Variants in CTDSP1 observed in about 807,000 individuals in gnomAD.
CTDSP1 encodes CTD small phosphatase 1.
Under a neutral mutation model 32.5 loss-of-function variants are expected in CTDSP1, and 15 were observed. The observed-to-expected ratio is 0.46, with a 90% CI of 0.31 to 0.71. The LOEUF is 0.71. CTDSP1 is among the 30% of genes least tolerant of loss of function. CTDSP1 has a pLI of 0.05. For missense variants in CTDSP1, 294 were observed against 351.1 expected (o/e 0.84, Z 1.30); for synonymous variants, 185 against 145.4 (o/e 1.27, Z -1.96).
chr2:218,403,390 C>T lies in CTDSP1; in HGVS notation c.630C>T (p.Ala210=), dbSNP rs1376738789. 4 of 1,607,998 alleles carry T rather than the reference C, an allele frequency of 2.5e-6. No individual in the cohort carries two copies. The highest frequency in any genetic ancestry group is 2.2e-5 in the East Asian group (1 of 44,808). Residue 210 remains alanine, a synonymous_variant, in exon 6 of 7, where the codon GCC becomes GCT. Coordinates refer to ENST00000273062, the MANE Select transcript of CTDSP1 (RefSeq NM_021198.3). ...RRVLILDNSP[A]SYVFHPDNAV... is the part of the protein sequence containing the mutation. ...TGCTCATCCTGGACAATTCACCTGC[C>T]TCCTATGTCTTCCATCCAGACAATG...
At chr2:218,397,792 GTAAC>G (rs1000637242), upstream of CTDSP1, among the ~76,000 whole-genome samples, 14 of 152,256 alleles carry the variant, frequency 9.2e-5, no homozygotes, top group South Asian at 1.7e-3. Context: ...CGCTCACTCC[GTAAC>G]TAACTACCCG....
chr2:218,398,905 AGCACTGCGCCACAG>A (rs1443225823), upstream of CTDSP1: 2 of 153,026 alleles, frequency 1.3e-5, no homozygotes, highest in African/African-American at 4.8e-5. Flanking sequence ...CCAAGTGCCC[AGCACTGCGCCACAG>A]GCCGGGTGGA....
rs574716484 is a variant in CTDSP1 at position 218,402,526 on chromosome 2, G to A, written c.378+121G>A. On this transcript the variant is annotated intron_variant, in intron 4 of 6. Coordinates refer to ENST00000273062, the MANE Select transcript of CTDSP1 (RefSeq NM_021198.3). ...ACATGTGGAATGTCAGAGGCCCAGA[G>A]AGGGTGTGAGACTTGTCCCAAAGTC... 3.1e-4 allele frequency: 327 copies of A among 1,038,894 alleles called. 1 individual carries two copies. The highest frequency in any genetic ancestry group is 4.5e-4 in the Non-Finnish European group (301 of 669,998). The allele number at this position is 1,038,894 out of a possible 1,614,324, so 64.4% of individuals were successfully genotyped here.
upstream of CTDSP1, chr2:218,398,454 C>T (rs1322907123): frequency 6.5e-7 from 1 of 1,532,560 alleles, no homozygotes; most frequent in African/African-American, 1.4e-5. Context: ...AGGAGGAGGG[C>T]CGAGGGATCC....
At chr2:218,402,046 G>T in intron 2 of CTDSP1, 65 bp from the exon 3 acceptor site, 1 of 1,122,412 alleles carries the variant, frequency 8.9e-7, no homozygotes, top group Non-Finnish European at 1.3e-6. Context: ...AGGGGGAGAA[G>T]CCTGCGTGGG....
chr2:218,402,633 C>T lies in CTDSP1; in HGVS notation c.378+228C>T, dbSNP rs79126749. 1,278 of 763,662 alleles carry T rather than the reference C, an allele frequency of 1.7e-3. 8 individuals are homozygous for T. In the African/African-American group the frequency reaches 0.018, roughly 11 times the overall value. The allele number at this position is 763,662 out of a possible 1,614,324, so 47.3% of individuals were successfully genotyped here. ...TAGGCTCCCCCGTGCTGTGCTCCCTCGCCCCACCCTGCCCGGGACCCAGTT... is the reference window on the plus strand; with the variant it reads ...TAGGCTCCCCCGTGCTGTGCTCCCTTGCCCCACCCTGCCCGGGACCCAGTT... On this transcript the variant is annotated intron_variant, in intron 4 of 6. Transcript: ENST00000273062.
chr2:218,400,978 G>C (rs1174431820), intron 1 of CTDSP1: 1 of 445,786 alleles, frequency 2.2e-6, no homozygotes, highest in Non-Finnish European at 4.5e-6. Flanking sequence ...GCCGGAGGGG[G>C]GTGGGGTGGG....
At chr2:218,402,251 G>T (rs370091958) in intron 3 of CTDSP1, 36 bp downstream of exon 3, 11 of 1,610,370 alleles carry the variant, frequency 6.8e-6, no homozygotes, top group South Asian at 3.3e-5. Flanking sequence ...CCCGGGTCTC[G>T]GGGGGCATCC....
chr2:218,401,164 G>C, intron 1 of CTDSP1: 2 of 364,386 alleles, frequency 5.5e-6, no homozygotes, highest in South Asian at 4.1e-5. Flanking sequence ...GGAGGGCAGG[G>C]GTGGACTGCC....
chr2:218,400,319 G>C (rs973831823), intron 1 of CTDSP1, 162 bp downstream of exon 1: 2 of 760,308 alleles, frequency 2.6e-6, no homozygotes, highest in South Asian at 1.5e-5. Context: ...TTTGAACTCA[G>C]AGGAGGCTCA....
At chr2:218,400,409 G>C in intron 1 of CTDSP1, 1 of 466,552 alleles carries the variant, frequency 2.1e-6, no homozygotes, top group Non-Finnish European at 3.6e-6. Context: ...AATAGAGAGG[G>C]AACTCTTCGG....
At chr2:218,399,470 A>T (rs1696985085), upstream of CTDSP1, 1 of 152,118 alleles carries the variant, frequency 6.6e-6, no homozygotes, top group Non-Finnish European at 1.5e-5. Context: ...CATTTTACAG[A>T]TGAGGTAGTG....
rs202177697 is a variant in CTDSP1, at chr2:218,403,310, C to T, written c.550C>T (p.His184Tyr). The T allele has an allele frequency of 1.2e-6, 2 of 1,614,180 alleles. No homozygotes were observed. Among genetic ancestry groups the T allele is most frequent in the South Asian group, 1.1e-5 (1 of 91,086 alleles). ...ARLFRESCVF[H>Y]RGNYVKDLSR... The stretch of plus-strand genomic sequence containing the variant: ...GCTGTTTCGAGAGTCCTGCGTCTTC[C>T]ACCGGGGGAACTACGTGAAGGACCT... The change falls in exon 6 of 7, where the codon CAC becomes TAC. Residue 184 changes from histidine to tyrosine, a missense_variant. Transcript: ENST00000273062.
chr2:218,400,753 G>C (rs1038286335), intron 1 of CTDSP1: 23 of 455,410 alleles, frequency 5.1e-5, no homozygotes, highest in African/African-American at 4.0e-4. Flanking sequence ...CGCGGGGAGA[G>C]TCGTGCGCCT....
chr2:218,403,125 A>G lies in CTDSP1; in HGVS notation c.469A>G (p.Lys157Glu). ...TGTGCTGTTCACTGCTAGCCTCGCC[A>G]AGGTGAGCCCCACAGGGGTCCCGGG... ...ECVLFTASLA[K>E]YADPVADLLD... Residue 157 changes from lysine to glutamate, a missense_variant and splice_region_variant, in exon 5 of 7, where the codon AAG (lysine) becomes GAG (glutamate). Coordinates refer to ENST00000273062, the MANE Select transcript of CTDSP1 (RefSeq NM_021198.3). The G allele has an allele frequency of 6.2e-7, 1 of 1,614,120 alleles. No homozygotes were observed.
chr2:218,399,781 G>A (rs1697008692), upstream of CTDSP1: 2 of 1,078,482 alleles, frequency 1.9e-6, no homozygotes, highest in Non-Finnish European at 2.2e-6. Context: ...TCCCAGAAGT[G>A]GCGAAAGCCG....
rs1574802370 is a variant in CTDSP1, at chr2:218,404,531, C to T, written c.*106C>T. ...GGAAAACCCATGGGCCGCCGCCACA[C>T]TCAGTGCCATGGGGAAGCGGGCGTC... On this transcript the variant is annotated 3_prime_UTR_variant, in exon 7 of 7. Transcript: ENST00000273062. 6.3e-6 allele frequency: 9 copies of T among 1,430,678 alleles called. No individual in the cohort carries two copies. Among genetic ancestry groups the T allele is most frequent in the Middle Eastern group, 2.5e-4 (1 of 4,014 alleles). 88.6% of individuals were successfully genotyped at this position (1,430,678 alleles called of 1,614,324 possible). A position where few individuals can be genotyped will look rare whatever the true frequency, so the allele number is the denominator to read the frequency against.
At chr2:218,398,324 T>G, upstream of CTDSP1, 5 of 1,219,270 alleles carry the variant, frequency 4.1e-6, no homozygotes, top group South Asian at 1.3e-5. Context: ...AAGGAGGCCG[T>G]TCTAAGGGGT....
In CTDSP1 at chr2:218,402,094, C is replaced by G; in HGVS notation, c.217-17C>G. The G allele has an allele frequency of 6.3e-7, 1 of 1,576,574 alleles. No individual in the cohort carries two copies. Among genetic ancestry groups the G allele is most frequent in the Non-Finnish European group, 8.7e-7 (1 of 1,148,916 alleles). ...GCCCGGAGAGAGGCACCCCAGCCAGCCCCGCCCTCCCTACAGCAGACCCCA... is the reference window on the plus strand; with the variant it reads ...GCCCGGAGAGAGGCACCCCAGCCAGGCCCGCCCTCCCTACAGCAGACCCCA... On this transcript the variant is annotated splice_polypyrimidine_tract_variant and intron_variant, in intron 2 of 6. Coordinates refer to ENST00000273062, the MANE Select transcript of CTDSP1 (RefSeq NM_021198.3).
Sources: allele counts gnomAD v4.1 joint callset (sites outside exome capture counted in the v4.1 genomes callset), GRCh38; gene constraint gnomAD v4.1.1; transcripts MANE v1.5; gene names NCBI Gene and HGNC (gene_info 2026-07-23, HGNC 2026-07-21).